LDLRAD3: variants seen among roughly 807,000 people sequenced by gnomAD.
LDLRAD3 encodes the protein low-density lipoprotein receptor class A domain-containing protein 3.
A neutral mutation model predicts 29.4 loss-of-function variants in LDLRAD3; 20 were observed. The ratio of observed to expected loss-of-function variants is 0.68; its 90% CI spans 0.48 to 0.99. The LOEUF (loss-of-function observed/expected upper bound fraction) is 0.99, where lower values mean the gene tolerates loss of function less well. Ranked by LOEUF, LDLRAD3 falls within the 50% of genes least tolerant of loss-of-function variation. The probability of loss-of-function intolerance (pLI) is 0.00; values close to 1 mark genes in which losing one functional copy is unlikely to be tolerated. For synonymous variants in LDLRAD3, 157 were observed against 192.7 expected, an observed-to-expected ratio of 0.81 and a Z score of 1.53; for missense variants, 420 against 454.3, an observed-to-expected ratio of 0.92 and a Z score of 0.69.
intron 4 of LDLRAD3, among the ~76,000 whole-genome samples, chr11:36,214,002 G>A (rs1334923781): frequency 6.6e-6 from 1 of 152,160 alleles, no homozygotes; most frequent in Non-Finnish European, 1.5e-5. Context: ...TAAACTTTGT[G>A]GCAGGTACAA....
rs560472943 is a variant in LDLRAD3 at position 36,213,902 on chromosome 11, A to G, written c.455-13183A>G. 6.6e-6 allele frequency among the ~76,000 whole-genome samples: 1 copy of G among 152,304 alleles called. No individual in the cohort carries two copies. The highest frequency in any genetic ancestry group is 6.5e-5 in the Admixed American group (1 of 15,308). On this transcript the variant is annotated intron_variant, in intron 4 of 5. Coordinates refer to ENST00000315571, the MANE Select transcript of LDLRAD3 (RefSeq NM_174902.4). The surrounding 1 kb of genome is among the most constrained non-coding windows in gnomAD (Gnocchi z 4.1). The stretch of plus-strand genomic sequence containing the variant: ...CCGTTTTAATCTAGTGTGAAGGGTC[A>G]GACTCTTCGTCCAGGTAAAAGGAAA...
At chr11:36,209,503 G>T (rs1855255140) in intron 4 of LDLRAD3, among the ~76,000 whole-genome samples, 1 of 151,900 alleles carries the variant, frequency 6.6e-6, no homozygotes, top group South Asian at 2.1e-4. Context: ...GGGATTACAG[G>T]CGCATGCCAG....
chr11:36,219,793 A>G (rs548543030), intron 4 of LDLRAD3, among the ~76,000 whole-genome samples: 3 of 152,356 alleles, frequency 2.0e-5, no homozygotes, highest in African/African-American at 4.8e-5. Context: ...GACTATATAA[A>G]AATTTGTTTT....
At chr11:36,084,512 C>G (rs1853167399) in intron 3 of LDLRAD3, among the ~76,000 whole-genome samples, 1 of 152,068 alleles carries the variant, frequency 6.6e-6, no homozygotes, top group South Asian at 2.1e-4. Flanking sequence ...GATTCTAGCT[C>G]ACTATGTTGG....
At chr11:36,140,748 A>G (rs1027617782) in intron 4 of LDLRAD3, among the ~76,000 whole-genome samples, 2 of 152,110 alleles carry the variant, frequency 1.3e-5, no homozygotes, top group Admixed American at 1.3e-4. Context: ...GCATATGGAA[A>G]CCAATATTAT....
chr11:36,217,898 A>G (rs1855374081), intron 4 of LDLRAD3, among the ~76,000 whole-genome samples: 1 of 152,046 alleles, frequency 6.6e-6, no homozygotes, highest in Admixed American at 6.5e-5. Context: ...TCATCATTGG[A>G]TCTAAAGCTC....
intron 2 of LDLRAD3, among the ~76,000 whole-genome samples, chr11:36,040,011 T>G (rs1852359845): frequency 6.6e-6 from 1 of 152,156 alleles, no homozygotes; most frequent in Non-Finnish European, 1.5e-5. Flanking sequence ...GGAGACTGGT[T>G]CTGTGTCTTG....
At chr11:36,013,397 A>G (rs1349691149) in intron 1 of LDLRAD3, among the ~76,000 whole-genome samples, 1 of 151,834 alleles carries the variant, frequency 6.6e-6, no homozygotes, top group Non-Finnish European at 1.5e-5. Flanking sequence ...CTGTCTACCC[A>G]TTGTCTAGGT....
At chr11:36,125,039 A>G (rs1853815581) in intron 4 of LDLRAD3, among the ~76,000 whole-genome samples, 1 of 152,140 alleles carries the variant, frequency 6.6e-6, no homozygotes, top group Non-Finnish European at 1.5e-5. Flanking sequence ...GTGTTCCTGC[A>G]AGGTCACCCG....
At chr11:35,947,406 A>G (rs1430163927) in intron 1 of LDLRAD3, among the ~76,000 whole-genome samples, 2 of 151,966 alleles carry the variant, frequency 1.3e-5, no homozygotes, top group South Asian at 4.1e-4. Context: ...GCTACTCCGG[A>G]GGCCAAGGTG....
chr11:36,138,288 T>G (rs1212821976), intron 4 of LDLRAD3, among the ~76,000 whole-genome samples: 1 of 152,198 alleles, frequency 6.6e-6, no homozygotes, highest in Non-Finnish European at 1.5e-5. Context: ...CTTGGGTGGT[T>G]GGGAGGATTA....
At chr11:35,948,534 A>G (rs114977573) in intron 1 of LDLRAD3, among the ~76,000 whole-genome samples, 362 of 151,924 alleles carry the variant, frequency 2.4e-3, no homozygotes, top group African/African-American at 8.2e-3. Context: ...AAATCTACTC[A>G]CTTGGATGCT....
At chr11:35,948,108 C>G (rs774789041) in intron 1 of LDLRAD3, among the ~76,000 whole-genome samples, 1 of 151,970 alleles carries the variant, frequency 6.6e-6, no homozygotes, top group African/African-American at 2.4e-5. Flanking sequence ...TTTCTTGACC[C>G]GAATTGTAGT....
At chr11:36,081,632 T>C (rs761943349) in intron 2 of LDLRAD3, 21 bp from the exon 3 acceptor site, 1 of 1,614,218 alleles carries the variant, frequency 6.2e-7, no homozygotes. Context: ...GATGTCTTGC[T>C]GTTTCTTTTT....
chr11:36,099,567 AAAGT>A (rs1273011581), intron 4 of LDLRAD3, among the ~76,000 whole-genome samples: 1 of 152,228 alleles, frequency 6.6e-6, no homozygotes, highest in Non-Finnish European at 1.5e-5. Flanking sequence ...TGTGAAAAGA[AAAGT>A]AAGAGAATGA....
intron 1 of LDLRAD3, among the ~76,000 whole-genome samples, chr11:35,983,298 C>T (rs1851566331): frequency 6.6e-6 from 1 of 152,182 alleles, no homozygotes; most frequent in African/African-American, 2.4e-5. Flanking sequence ...ATAAAAGATA[C>T]CATCAAAATT....
At chr11:36,143,653 G>A (rs4756286) in intron 4 of LDLRAD3, among the ~76,000 whole-genome samples, 54,233 of 151,956 alleles carry the variant, frequency 0.36, 10,746 homozygotes, top group East Asian at 0.61. Flanking sequence ...CACAGACTGG[G>A]TGGCTTAAAT....
At chr11:36,096,257 G>A (rs891498930) in intron 3 of LDLRAD3, among the ~76,000 whole-genome samples, 3 of 152,200 alleles carry the variant, frequency 2.0e-5, no homozygotes, top group African/African-American at 7.2e-5. Flanking sequence ...AGTTAACCAA[G>A]TCCTTGCAGC....
chr11:36,221,178 T>C (rs1430602570), intron 4 of LDLRAD3, among the ~76,000 whole-genome samples: 1 of 152,010 alleles, frequency 6.6e-6, no homozygotes, highest in Non-Finnish European at 1.5e-5. Flanking sequence ...TGAAACCCCA[T>C]CTCTACTAAG....
Sources: allele counts gnomAD v4.1 joint callset (sites outside exome capture counted in the v4.1 genomes callset), GRCh38; gene constraint gnomAD v4.1.1; non-coding constraint Gnocchi (gnomAD v3.1); transcripts MANE v1.5; gene names NCBI Gene and HGNC (gene_info 2026-07-23, HGNC 2026-07-21).